Variants in RALGPS1 observed in about 807,000 individuals in gnomAD.
The protein encoded by RALGPS1 is Ral GEF with PH domain and SH3 binding motif 1, also known as ras-specific guanine nucleotide-releasing factor RalGPS1.
RALGPS1 carries 19 observed loss-of-function variants against 78.8 expected under a neutral mutation model. The observed-to-expected ratio is 0.24, with a 90% CI of 0.17 to 0.35. The LOEUF is 0.35. Ranked by LOEUF, RALGPS1 falls within the 10% of genes least tolerant of loss-of-function variation. RALGPS1 has a pLI of 1.00. For synonymous variants in RALGPS1, 228 were observed against 256.3 expected (o/e 0.89, Z 1.06); for missense variants, 454 against 688.3 (o/e 0.66, Z 3.81).
intron 5 of RALGPS1, among the ~76,000 whole-genome samples, chr9:127,040,563 G>T (rs1230109369): frequency 6.6e-6 from 1 of 152,162 alleles, no homozygotes; most frequent in East Asian, 1.9e-4. Context: ...AATGTTTAAA[G>T]ATTGTAGCCC....
chr9:127,216,423 G>A (rs2062582224), intron 18 of RALGPS1, among the ~76,000 whole-genome samples: 1 of 152,216 alleles, frequency 6.6e-6, no homozygotes, highest in South Asian at 2.1e-4. Flanking sequence ...GCTCAAAGAT[G>A]TGTTTAAGAA....
At chr9:127,165,315 G>A (rs2139590500) in intron 8 of RALGPS1, among the ~76,000 whole-genome samples, 1 of 152,346 alleles carries the variant, frequency 6.6e-6, no homozygotes, top group Middle Eastern at 3.4e-3. Flanking sequence ...GCTGAGAGCT[G>A]TGTAGTGGCT....
At chr9:126,918,832 C>T (rs1053709077) in intron 1 of RALGPS1, among the ~76,000 whole-genome samples, 1 of 152,074 alleles carries the variant, frequency 6.6e-6, no homozygotes, top group Non-Finnish European at 1.5e-5. Context: ...CCCACCACGC[C>T]TGGCTAATTT....
At chr9:127,203,508 G>A (rs985619323) in intron 14 of RALGPS1, among the ~76,000 whole-genome samples, 1 of 151,922 alleles carries the variant, frequency 6.6e-6, no homozygotes, top group African/African-American at 2.4e-5. Flanking sequence ...AGTGGGAAGC[G>A]TAGGGGATGG....
rs145372317 is a variant in RALGPS1 at position 127,032,116 on chromosome 9, C to T, written c.217-2315C>T. On this transcript the variant is annotated intron_variant, in intron 4 of 18. Coordinates refer to ENST00000259351, the MANE Select transcript of RALGPS1 (RefSeq NM_014636.3). Reference sequence around the variant, plus strand: ...GGTAACCTTTATCAAGTACCTGTCACGTGCTAGGTGCTTTGCATGTCTTAA... The same window carrying T: ...GGTAACCTTTATCAAGTACCTGTCATGTGCTAGGTGCTTTGCATGTCTTAA... Among the ~76,000 whole-genome samples the T allele has an allele frequency of 7.5e-3, 1,137 of 152,332 alleles. 14 individuals carry two copies. Among genetic ancestry groups the T allele is most frequent in the African/African-American group, 0.024 (1,017 of 41,580 alleles).
In RALGPS1 at chr9:127,196,579, A is replaced by C. The variant is rs2061358195; in HGVS notation, c.1143A>C (p.Arg381=). The C allele has an allele frequency of 6.2e-7, 1 of 1,613,868 alleles. No individual in the cohort carries two copies. Among genetic ancestry groups the C allele is most frequent in the Admixed American group, 1.7e-5 (1 of 59,972 alleles). The part of the protein sequence containing the change: ...DDSVLESRSP[R]RGLALTSSSA... ...GTGTCCTAGAGTCCCGCAGCCCCCG[A>C]AGGGGCCTGGCTCTGACCTCCTCCT... Residue 381 remains arginine, a synonymous_variant, in exon 13 of 19, where the codon CGA becomes CGC. Coordinates refer to ENST00000259351, the MANE Select transcript of RALGPS1 (RefSeq NM_014636.3).
At chr9:127,162,640 C>T (rs115117952) in intron 8 of RALGPS1, among the ~76,000 whole-genome samples, 407 of 152,256 alleles carry the variant, frequency 2.7e-3, no homozygotes, top group African/African-American at 9.2e-3. Flanking sequence ...GGCTCACACT[C>T]CTGGGTCTTG....
intron 18 of RALGPS1, chr9:127,217,422 T>C (rs755871578): frequency 1.0e-6 from 1 of 988,668 alleles, no homozygotes; most frequent in Non-Finnish European, 1.2e-6. Flanking sequence ...TAAGAAAGAG[T>C]GTGACAGAAA....
Position 127,195,131 on chromosome 9 carries a change from G to A in RALGPS1, c.951G>A (p.Arg317=). 6.2e-7 allele frequency: 1 copy of A among 1,613,376 alleles called. No homozygotes were observed. Among genetic ancestry groups the A allele is most frequent in the Non-Finnish European group, 8.5e-7 (1 of 1,179,966 alleles). The part of the protein sequence containing the change: ...AGSGSARFSR[R]PTCPDTSVAG... ...CCGGTTCTGCGAGGTTCAGCCGGAG[G>A]CCCACCTGTCCTGACACATCTGTTG... The change falls in exon 12 of 19, where the codon AGG becomes AGA. Residue 317 remains arginine (R), a synonymous_variant. Coordinates refer to ENST00000259351, the MANE Select transcript of RALGPS1 (RefSeq NM_014636.3).
chr9:127,163,121 C>T (rs1373077737), intron 8 of RALGPS1, among the ~76,000 whole-genome samples: 3 of 152,134 alleles, frequency 2.0e-5, no homozygotes, highest in Non-Finnish European at 2.9e-5. Flanking sequence ...TTCACTCTGC[C>T]ACTCTGAGCC....
At chr9:126,936,845 G>A (rs948743449) in intron 1 of RALGPS1, among the ~76,000 whole-genome samples, 3 of 147,958 alleles carry the variant, frequency 2.0e-5, no homozygotes, top group Non-Finnish European at 4.5e-5. Context: ...AACAGGAACG[G>A]CACCTTTTTT....
chr9:127,025,890 C>T lies in RALGPS1; in HGVS notation c.217-8541C>T, dbSNP rs114103258. ...TTGTTTTTTTTCTAATTTTCTGTAG[C>T]GACAGGGTTGCACTATATTGCCAGG... On this transcript the variant is annotated intron_variant, in intron 4 of 18. Coordinates refer to ENST00000259351, the MANE Select transcript of RALGPS1 (RefSeq NM_014636.3). Among the ~76,000 whole-genome samples, 1,309 of 151,760 alleles carry T rather than the reference C, an allele frequency of 8.6e-3. 25 individuals carry two copies. Among genetic ancestry groups the T allele is most frequent in the African/African-American group, 0.03 (1,223 of 41,348 alleles).
chr9:127,147,678 A>G (rs1448981599), intron 8 of RALGPS1, among the ~76,000 whole-genome samples: 1 of 152,226 alleles, frequency 6.6e-6, no homozygotes, highest in Non-Finnish European at 1.5e-5. Flanking sequence ...GTTGAAGATC[A>G]GATGGTTGTA....
chr9:127,187,950 C>A (rs2060759949), intron 11 of RALGPS1, among the ~76,000 whole-genome samples: 1 of 152,064 alleles, frequency 6.6e-6, no homozygotes, highest in Non-Finnish European at 1.5e-5. Context: ...AATGCCCAGA[C>A]CCACCTGTGG....
At chr9:127,072,854 C>T (rs2050323250) in intron 8 of RALGPS1, among the ~76,000 whole-genome samples, 1 of 152,096 alleles carries the variant, frequency 6.6e-6, no homozygotes, top group Non-Finnish European at 1.5e-5. Context: ...TATCTTGGTT[C>T]CATTTGTTAC....
intron 8 of RALGPS1, among the ~76,000 whole-genome samples, chr9:127,093,054 C>T (rs750475047): frequency 2.0e-5 from 3 of 152,104 alleles, no homozygotes; most frequent in Middle Eastern, 3.2e-3. Context: ...GAGGTTGATA[C>T]GAGATTAAAC....
chr9:127,208,960 CG>C (rs1232513394), intron 14 of RALGPS1, among the ~76,000 whole-genome samples: 1 of 152,144 alleles, frequency 6.6e-6, no homozygotes, highest in African/African-American at 2.4e-5. Context: ...CCTCAGGTAG[CG>C]GGGAAAAAGA....
chr9:127,026,481 A>C (rs115039536), intron 4 of RALGPS1, among the ~76,000 whole-genome samples: 1 of 152,150 alleles, frequency 6.6e-6, no homozygotes, highest in African/African-American at 2.4e-5. Context: ...TTTGACTTCT[A>C]TTGTTGAGTT....
intron 11 of RALGPS1, among the ~76,000 whole-genome samples, chr9:127,182,720 T>C (rs7035976): frequency 0.56 from 84,368 of 151,896 alleles, 24,468 homozygotes; most frequent in African/African-American, 0.72. Flanking sequence ...TGAGTCACCA[T>C]GCCCAGCCTA....
Sources: gnomAD v4.1 joint callset for allele counts (sites outside exome capture counted in the v4.1 genomes callset) on GRCh38, gnomAD v4.1.1 for gene constraint, MANE v1.5 for transcripts, NCBI Gene and HGNC (gene_info 2026-07-23, HGNC 2026-07-21) for gene names.